The following SV2C variants were observed in gnomAD, a reference collection of about 807,000 sequenced individuals.
SV2C encodes solute carrier family 22 member B3.
In SV2C, 49 loss-of-function variants were observed where a neutral mutation model predicts 79.7. That is an observed-to-expected ratio of 0.61 (90% confidence interval 0.49 to 0.78). The LOEUF is 0.78. Among genes scored for constraint, SV2C ranks in the 30% least tolerant of loss-of-function variants. The pLI, the probability that SV2C is intolerant of heterozygous loss-of-function variation, is 0.00. For synonymous variants in SV2C, 334 were observed against 333.2 expected, an observed-to-expected ratio of 1.00 and a Z score of -0.03; for missense variants, 833 against 912.9, an observed-to-expected ratio of 0.91 and a Z score of 1.13.
At chr5:76,173,539 T>C in intron 2 of SV2C, 1 of 1,275,564 alleles carries the variant, frequency 7.8e-7, no homozygotes, top group South Asian at 1.2e-5. Flanking sequence ...TTTAAGATGT[T>C]GGTAGGTTTA....
downstream of SV2C, among the ~76,000 whole-genome samples, chr5:76,337,250 C>G (rs1749346937): frequency 6.6e-6 from 1 of 152,136 alleles, no homozygotes; most frequent in South Asian, 2.1e-4. Context: ...CATCTTCTCT[C>G]TGTGTCTTCA....
chr5:76,279,929 G>A (rs373759008), intron 4 of SV2C, among the ~76,000 whole-genome samples: 218 of 152,228 alleles, frequency 1.4e-3, no homozygotes, highest in African/African-American at 5.1e-3. Flanking sequence ...ATGTGAGCAG[G>A]GTGGCCTTAG....
intron 4 of SV2C, among the ~76,000 whole-genome samples, chr5:76,232,919 C>G (rs1199180758): frequency 1.4e-5 from 2 of 142,454 alleles, no homozygotes. Context: ...CTTGGCGATG[C>G]GGGCTCTTTT....
the SV2C span, among the ~76,000 whole-genome samples, chr5:75,931,172 C>A: frequency 6.6e-6 from 1 of 152,242 alleles, no homozygotes; most frequent in South Asian, 2.1e-4. Flanking sequence ...CCTTCCTTGT[C>A]CTGTCTTATG....
In SV2C at chr5:76,276,839, G is replaced by T. The variant is rs1010530970; in HGVS notation, c.914-8323G>T. Among the ~76,000 whole-genome samples the T allele has an allele frequency of 2.0e-5, 3 of 151,912 alleles. No homozygotes were observed. In the East Asian group the frequency reaches 5.8e-4, roughly 29 times the overall value. ...CTGCCTTGGCCTCCCAAAGGGTTGGGATTACAGGTGTGAGCCAACACATCT... is the reference window on the plus strand; with the variant it reads ...CTGCCTTGGCCTCCCAAAGGGTTGGTATTACAGGTGTGAGCCAACACATCT... On this transcript the variant is annotated intron_variant, in intron 4 of 12. Transcript: ENST00000502798.
the SV2C span, among the ~76,000 whole-genome samples, chr5:75,927,700 T>C: frequency 1.3e-5 from 2 of 152,126 alleles, no homozygotes; most frequent in African/African-American, 4.8e-5. Flanking sequence ...CAAAAGAACA[T>C]AAAGACATTT....
At chr5:76,341,776 GGCAGATCTA>G (rs1269368853) in intron 12 of SV2C, among the ~76,000 whole-genome samples, 1 of 119,636 alleles carries the variant, frequency 8.4e-6, no homozygotes, top group Non-Finnish European at 1.9e-5. Context: ...TGCTCCTGGA[GGCAGATCTA>G]CACTTCCTTT....
Position 76,342,362 on chromosome 5 carries a change from A to C in SV2C, c.2001-10768A>C, listed in dbSNP as rs900726278. On this transcript the variant is annotated intron_variant, in intron 12 of 12. Coordinates refer to the SV2C transcript ENST00000322285. ...TGCAGCCTCAGCAAATCACACCAGG[A>C]GAAGGAGTCCTGCTTCCTCAGGACT... Among the ~76,000 whole-genome samples the C allele has an allele frequency of 2.6e-5, 4 of 152,274 alleles. No homozygotes were observed. The East Asian group carries it at 7.7e-4, about 29-fold the overall frequency.
intron 4 of SV2C, among the ~76,000 whole-genome samples, chr5:76,257,469 G>A (rs1054798298): frequency 3.1e-5 from 4 of 127,226 alleles, no homozygotes; most frequent in East Asian, 5.0e-4. Context: ...GGGGGATAGC[G>A]GTGTGTATGG....
the SV2C span, among the ~76,000 whole-genome samples, chr5:75,922,358 T>A: frequency 6.6e-6 from 1 of 152,120 alleles, no homozygotes; most frequent in African/African-American, 2.4e-5. Context: ...TAAGTGTAAG[T>A]GGCTAATTTT....
At chr5:76,131,599 T>A (rs540365988) in intron 1 of SV2C, 51 bp from the exon 2 acceptor site, 19 of 460,940 alleles carry the variant, frequency 4.1e-5, no homozygotes, top group Non-Finnish European at 6.3e-5. Context: ...CGGTAAAAAA[T>A]ATATATATAG....
chr5:76,040,509 G>T, the SV2C span, among the ~76,000 whole-genome samples: 24 of 152,324 alleles, frequency 1.6e-4, no homozygotes, highest in African/African-American at 5.8e-4. Flanking sequence ...ATATTCACTT[G>T]AATAGAAGTA....
the SV2C span, among the ~76,000 whole-genome samples, chr5:75,860,391 A>G: frequency 6.6e-5 from 10 of 152,206 alleles, no homozygotes; most frequent in Admixed American, 6.5e-4. Context: ...AAAGGAGGTG[A>G]AAGATTACTG....
chr5:76,280,474 C>G (rs1008828582), intron 4 of SV2C, among the ~76,000 whole-genome samples: 3 of 152,110 alleles, frequency 2.0e-5, no homozygotes, highest in African/African-American at 7.2e-5. Context: ...GAAAACCGCC[C>G]GACTGGAATC....
chr5:76,234,106 C>T (rs1265024986), intron 4 of SV2C, among the ~76,000 whole-genome samples: 1 of 151,964 alleles, frequency 6.6e-6, no homozygotes, highest in Non-Finnish European at 1.5e-5. Context: ...TTTTATAAGC[C>T]ATAATGTATT....
intron 1 of SV2C, among the ~76,000 whole-genome samples, chr5:76,095,776 G>A (rs939721743): frequency 2.0e-5 from 3 of 151,888 alleles, no homozygotes; most frequent in African/African-American, 7.3e-5. Flanking sequence ...TAGATAGAAT[G>A]GTATATTTAG....
chr5:76,348,861 G>A (rs1324614734), intron 12 of SV2C, among the ~76,000 whole-genome samples: 4 of 152,176 alleles, frequency 2.6e-5, no homozygotes, highest in East Asian at 1.9e-4. Context: ...TTATCTGGGC[G>A]TGGTGGCAGG....
chr5:76,149,330 A>G (rs1269703451), intron 2 of SV2C, among the ~76,000 whole-genome samples: 2 of 152,194 alleles, frequency 1.3e-5, no homozygotes, highest in Admixed American at 1.3e-4. Flanking sequence ...AGTGCCCCCC[A>G]GACATCATGC....
intron 4 of SV2C, among the ~76,000 whole-genome samples, chr5:76,282,839 G>A (rs1466821183): frequency 2.0e-5 from 3 of 151,910 alleles, no homozygotes; most frequent in Middle Eastern, 3.2e-3. Flanking sequence ...ATGAAACCCC[G>A]TCTCTACTAA....
Sources: gnomAD v4.1 joint callset for allele counts (sites outside exome capture counted in the v4.1 genomes callset) on GRCh38, gnomAD v4.1.1 for gene constraint, MANE v1.5 for transcripts, NCBI Gene and HGNC (gene_info 2026-07-23, HGNC 2026-07-21) for gene names.